Variants in MRPS25 observed in about 807,000 individuals in gnomAD.
The protein encoded by MRPS25 is mitochondrial ribosomal protein S25.
MRPS25 carries 15 observed loss-of-function variants against 17.3 expected under a neutral mutation model. The ratio of observed to expected loss-of-function variants is 0.87; its 90% CI spans 0.58 to 1.34. The LOEUF is 1.34. MRPS25 is among the 40% of genes most tolerant of loss of function. The probability of loss-of-function intolerance (pLI) is 0.00; values close to 1 mark genes in which losing one functional copy is unlikely to be tolerated. For synonymous variants in MRPS25, 94 were observed against 83.3 expected (o/e 1.13, Z -0.70); for missense variants, 225 against 218.6 (o/e 1.03, Z -0.19).
At position 15,050,367 on chromosome 3, in the gene MRPS25, T is replaced by C; in HGVS notation, c.*2074A>G. The C allele has an allele frequency of 9.7e-7, 1 of 1,034,470 alleles. No homozygotes were observed. The highest frequency in any genetic ancestry group is 3.4e-5 in the South Asian group (1 of 29,148). 64.1% of individuals were successfully genotyped at this position (1,034,470 alleles called of 1,614,324 possible). Reference sequence around the variant, plus strand: ...TTAGGGACCAGACATTTATTCTGTCTAGAGAATGGTCACCACTCCTTTTGG... The same window carrying C: ...TTAGGGACCAGACATTTATTCTGTCCAGAGAATGGTCACCACTCCTTTTGG... On this transcript the variant is annotated 3_prime_UTR_variant, in exon 4 of 4. Transcript: ENST00000253686.
In MRPS25 at chr3:15,061,263, C is replaced by T. The variant is rs368210810; in HGVS notation, c.135-1788G>A. 3.9e-5 allele frequency among the ~76,000 whole-genome samples: 6 copies of T among 152,260 alleles called. No individual in the cohort carries two copies. In the South Asian group the frequency reaches 6.2e-4, roughly 16 times the overall value. On this transcript the variant is annotated intron_variant, in intron 1 of 3. Coordinates refer to ENST00000253686, the MANE Select transcript of MRPS25 (RefSeq NM_022497.5). ...TCTTTCCACGGTCTCCCTCTGATGC[C>T]GAGCCGAAGCTGGACTGTACTGCTG...
chr3:15,043,506 T>C (rs1384327666), downstream of MRPS25: 2 of 152,880 alleles, frequency 1.3e-5, no homozygotes, highest in African/African-American at 4.8e-5. Flanking sequence ...GTATGTCTTT[T>C]GCCGAAATGC....
chr3:15,055,901 G>A (rs1045887600), intron 2 of MRPS25, among the ~76,000 whole-genome samples: 4 of 142,582 alleles, frequency 2.8e-5, no homozygotes, highest in Non-Finnish European at 3.1e-5. Flanking sequence ...AAAGCAGCCC[G>A]TTTTTTTTTT....
Position 15,052,286 on chromosome 3 carries a change from C to T in MRPS25, c.*155G>A. ...CTCAGCTTCAGACCCTCCTCTCCCA[C>T]ATCCTTTTACACAGGTGTGTAAAGT... On this transcript the variant is annotated 3_prime_UTR_variant, in exon 4 of 4. Transcript: ENST00000253686. 7.1e-7 allele frequency: 1 copy of T among 1,406,842 alleles called. No individual in the cohort carries two copies. The highest frequency in any genetic ancestry group is 9.2e-7 in the Non-Finnish European group (1 of 1,082,024). The allele number at this position is 1,406,842 out of a possible 1,614,324, so 87.1% of individuals were successfully genotyped here.
At chr3:15,044,147 C>G (rs571860185), downstream of MRPS25, 1 of 152,368 alleles carries the variant, frequency 6.6e-6, no homozygotes, top group South Asian at 2.1e-4. Context: ...GGGCAGGAGC[C>G]TGCTGCCGCC....
chr3:15,051,771 A>G lies in MRPS25; in HGVS notation c.*670T>C, dbSNP rs2042608827. The G allele has an allele frequency of 1.0e-6, 1 of 985,494 alleles. No homozygotes were observed. The highest frequency in any genetic ancestry group is 1.2e-6 in the Non-Finnish European group (1 of 829,992). The allele number at this position is 985,494 out of a possible 1,614,324, so 61.0% of individuals were successfully genotyped here. ...CCTACAAACCTCCCTGCTAATGCAC[A>G]CAGTGGCTGGGCCATGGGTTGGCAG... On this transcript the variant is annotated 3_prime_UTR_variant, in exon 4 of 4. Transcript: ENST00000253686.
chr3:15,055,480 G>A (rs970169450), intron 2 of MRPS25, among the ~76,000 whole-genome samples: 1 of 152,094 alleles, frequency 6.6e-6, no homozygotes. Flanking sequence ...GTGAGGATGC[G>A]GAGTAACAGG....
chr3:15,042,645 C>T, downstream of MRPS25: 1 of 560,358 alleles, frequency 1.8e-6, no homozygotes. Flanking sequence ...ACATTTTGTA[C>T]TCATTTGGTT....
chr3:15,048,437 G>A (rs1028595882), downstream of MRPS25: 12 of 152,536 alleles, frequency 7.9e-5, no homozygotes, highest in Admixed American at 2.6e-4. Flanking sequence ...GTATCTTTGC[G>A]GGGAGAAAAA....
In MRPS25 at chr3:15,062,445, G is replaced by GT. The variant is rs2042786404; in HGVS notation, c.134+2615_134+2616insA. ...AGCCGCCCCATCCGGGAGGGAGGTGGGGGGGGTCAGCCCCCTGCCCGGCCA... is the reference window on the plus strand; with the variant it reads ...AGCCGCCCCATCCGGGAGGGAGGTGGTGGGGGGTCAGCCCCCTGCCCGGCCA... On this transcript the variant is annotated intron_variant, in intron 1 of 3. Transcript: ENST00000253686. Among the ~76,000 whole-genome samples, 2 of 130,886 alleles carry GT rather than the reference G, an allele frequency of 1.5e-5. 1 individual carries two copies. Among genetic ancestry groups the GT allele is most frequent in the South Asian group, 5.2e-4 (2 of 3,818 alleles). 85.9% of individuals were successfully genotyped at this position (130,886 alleles called of 152,430 possible).
chr3:15,053,141 A>AGAGG (rs1331439081), intron 3 of MRPS25: 1 of 873,796 alleles, frequency 1.1e-6, no homozygotes, highest in African/African-American at 1.7e-5. Context: ...GTCCCCCGCA[A>AGAGG]GAGGGAGAGA....
chr3:15,047,839 T>TAAG (rs924277494), downstream of MRPS25: 13 of 152,248 alleles, frequency 8.5e-5, no homozygotes, highest in African/African-American at 3.1e-4. Context: ...CTCCTTTCTA[T>TAAG]AAGTTATGAT....
intron 3 of MRPS25, 141 bp downstream of exon 3, chr3:15,053,239 C>G: frequency 6.7e-7 from 1 of 1,484,454 alleles, no homozygotes; most frequent in Non-Finnish European, 9.0e-7. Flanking sequence ...AGAACTGATT[C>G]TACAGCCCCA....
At chr3:15,062,447 G>GA (rs1363077157) in intron 1 of MRPS25, among the ~76,000 whole-genome samples, 4 of 143,428 alleles carry the variant, frequency 2.8e-5, no homozygotes, top group African/African-American at 1.0e-4. Context: ...GGGAGGTGGG[G>GA]GGGGTCAGCC....
Position 15,052,390 on chromosome 3 carries a change from A to G in MRPS25, c.*51T>C. On this transcript the variant is annotated 3_prime_UTR_variant, in exon 4 of 4. Transcript: ENST00000253686. ...CCTGGGCCAAAGTAATCCCATTCCA[A>G]TCTCCCCACTGGTCAGACACCATCA... 6.4e-7 allele frequency: 1 copy of G among 1,567,590 alleles called. No individual in the cohort carries two copies. Among genetic ancestry groups the G allele is most frequent in the Non-Finnish European group, 8.7e-7 (1 of 1,153,916 alleles).
chr3:15,061,255 T>C (rs1367542529), intron 1 of MRPS25, among the ~76,000 whole-genome samples: 1 of 152,178 alleles, frequency 6.6e-6, no homozygotes, highest in African/African-American at 2.4e-5. Flanking sequence ...ACGGTCTCCC[T>C]CTGATGCCGA....
At chr3:15,045,697 G>C (rs990899979), downstream of MRPS25, 1 of 152,674 alleles carries the variant, frequency 6.5e-6, no homozygotes, top group Non-Finnish European at 1.5e-5. Flanking sequence ...ATTACTTAAA[G>C]AGATGCAAAC....
intron 2 of MRPS25, among the ~76,000 whole-genome samples, chr3:15,058,831 G>C (rs2042706652): frequency 6.6e-6 from 1 of 152,036 alleles, no homozygotes. Flanking sequence ...TTCCAGCGTG[G>C]AGCCAAACTT....
At position 15,065,126 on chromosome 3, in the gene MRPS25, GAACA is replaced by G. The variant is rs772161291; in HGVS notation, c.65_68del (p.Val22AlafsTer5). 15 of 1,609,306 alleles carry G rather than the reference GAACA, an allele frequency of 9.3e-6. No individual in the cohort carries two copies. The highest frequency in any genetic ancestry group is 1.3e-5 in the Non-Finnish European group (15 of 1,178,042). ...CTGTCATGACCTTCACGGAGTCCTT[GAACA>G]CCACGTTCCCCTGGCTCAGATATTG... On this transcript the variant is annotated frameshift_variant, in exon 1 of 4. Coordinates refer to ENST00000253686, the MANE Select transcript of MRPS25 (RefSeq NM_022497.5). LOFTEE classifies it high-confidence loss of function.
Sources: allele counts gnomAD v4.1 joint callset (sites outside exome capture counted in the v4.1 genomes callset), GRCh38; gene constraint gnomAD v4.1.1; transcripts MANE v1.5; gene names NCBI Gene and HGNC (gene_info 2026-07-23, HGNC 2026-07-21).